The following EPRS1 variants were observed in gnomAD, a reference collection of about 807,000 sequenced individuals.
EPRS1 encodes the protein bifunctional glutamate/proline--tRNA ligase.
A neutral mutation model predicts 188.3 loss-of-function variants in EPRS1; 107 were observed. The observed-to-expected ratio is 0.57, with a 90% CI of 0.49 to 0.67. The LOEUF is 0.67. EPRS1 is among the 30% of genes least tolerant of loss of function. The pLI, the probability that EPRS1 is intolerant of heterozygous loss-of-function variation, is 0.00. For synonymous variants in EPRS1, 596 were observed against 593.1 expected (o/e 1.00, Z -0.07); for missense variants, 1,577 against 1,802.2 (o/e 0.88, Z 2.26).
rs760423805 is a variant in EPRS1 at position 219,978,648 on chromosome 1, G to A, written c.3981C>T (p.Cys1327=). The A allele has an allele frequency of 1.9e-6, 3 of 1,612,194 alleles. No homozygotes were observed. Among genetic ancestry groups the A allele is most frequent in the African/African-American group, 1.3e-5 (1 of 74,808 alleles). The change falls in exon 28 of 32, where the codon TGC becomes TGT. Residue 1327 remains cysteine, a synonymous_variant. Coordinates refer to ENST00000366923, the MANE Select transcript of EPRS1 (RefSeq NM_004446.3). The part of the protein sequence containing the change: ...EEDKEALIAK[C]NDYRRRLLSV... ...TGAGTAATCGCCTTCGATAATCATT[G>A]CATTTTGCAATCAGCGCTTCTTTGT...
At chr1:220,017,546 C>T (rs981829763) in intron 12 of EPRS1, among the ~76,000 whole-genome samples, 1 of 152,020 alleles carries the variant, frequency 6.6e-6, no homozygotes, top group African/African-American at 2.4e-5. Context: ...AAACTAAACA[C>T]GAAAGACCAA....
At chr1:220,022,290 G>T in intron 9 of EPRS1, 57 bp downstream of exon 9, 1 of 1,462,730 alleles carries the variant, frequency 6.8e-7, no homozygotes, top group Non-Finnish European at 9.4e-7. Context: ...CATGTTTAAA[G>T]AAGATCAAAA....
intron 20 of EPRS1, among the ~76,000 whole-genome samples, chr1:219,986,783 A>ATGTGTGTG (rs55845197): frequency 0.33 from 49,096 of 150,062 alleles, 8,354 homozygotes; most frequent in Non-Finnish European, 0.4. Flanking sequence ...GAAAATATGT[A>ATGTGTGTG]TGTGTGTGTG....
chr1:219,981,290 C>T, intron 24 of EPRS1, 88 bp downstream of exon 24: 1 of 809,742 alleles, frequency 1.2e-6, no homozygotes, highest in East Asian at 2.7e-5. Flanking sequence ...ACTCCCAATC[C>T]TTTGAAAATA....
intron 1 of EPRS1, among the ~76,000 whole-genome samples, chr1:220,042,907 G>A (rs1023761751): frequency 6.6e-6 from 1 of 152,044 alleles, no homozygotes. Flanking sequence ...GTGACAGGGT[G>A]AGACTCCATC....
rs554746442 is a variant in EPRS1, at chr1:219,972,309, GTTACC to G, written c.4245-167_4245-163del. On this transcript the variant is annotated intron_variant, in intron 29 of 31. Coordinates refer to ENST00000366923, the MANE Select transcript of EPRS1 (RefSeq NM_004446.3). ...TCATAGTGACCATCAGTATATCAGA[GTTACC>G]TTATCATTGCACTATTGTGAGCCTT... 3.8e-3 allele frequency among the ~76,000 whole-genome samples: 575 copies of G among 152,184 alleles called. 1 individual carries two copies. Among genetic ancestry groups the G allele is most frequent in the Non-Finnish European group, 7.0e-3 (474 of 68,006 alleles).
At chr1:219,973,524 A>AAAAAAC in intron 28 of EPRS1, 126 bp from the exon 29 acceptor site, 1 of 474,054 alleles carries the variant, frequency 2.1e-6, no homozygotes, top group Non-Finnish European at 3.2e-6. Context: ...AGCCAAAAAA[A>AAAAAAC]ACAAGAGAAA....
intron 24 of EPRS1, among the ~76,000 whole-genome samples, 185 bp downstream of exon 24, chr1:219,981,193 C>T (rs1660889336): frequency 6.6e-6 from 1 of 152,074 alleles, no homozygotes; most frequent in Admixed American, 6.5e-5. Flanking sequence ...CTGCCACGCC[C>T]AGCCACTTTC....
At position 219,986,786 on chromosome 1, in the gene EPRS1, T is replaced by TGTGTGTGC. The variant is rs1661014529; in HGVS notation, c.3038+355_3038+356insGCACACAC. Reference sequence around the variant, plus strand: ...AAAAGGAGGAGAGAAAATATGTATGTGTGTGTGTGTGTGTGTGTGTATCTG... The same window carrying TGTGTGTGC: ...AAAAGGAGGAGAGAAAATATGTATGTGTGTGTGCGTGTGTGTGTGTGTGTGTGTATCTG... On this transcript the variant is annotated intron_variant, in intron 20 of 31. Coordinates refer to ENST00000366923, the MANE Select transcript of EPRS1 (RefSeq NM_004446.3). Among the ~76,000 whole-genome samples, 3 of 151,052 alleles carry TGTGTGTGC rather than the reference T, an allele frequency of 2.0e-5. No individual in the cohort carries two copies. The South Asian group carries it at 6.3e-4, about 32-fold the overall frequency.
At chr1:220,036,482 C>T (rs1300387314) in intron 2 of EPRS1, among the ~76,000 whole-genome samples, 2 of 151,416 alleles carry the variant, frequency 1.3e-5, no homozygotes, top group Non-Finnish European at 2.9e-5. Flanking sequence ...TACATATATA[C>T]CACAGAATAC....
In EPRS1 at chr1:220,024,299, C is replaced by T. The variant is rs1661931581; in HGVS notation, c.908G>A (p.Arg303His). ...DTPAEQMKAE[R>H]EQRIDSKHRK... ...ATGTTTAGAGTCTATCCTCTGCTCA[C>T]GTTCTGCTTTCATCTGTTCAGCAGG... The change falls in exon 8 of 32, where the codon CGT (arginine) becomes CAT (histidine). Residue 303 changes from arginine to histidine, a missense_variant. Physicochemically the swap from Arg to His is conservative, Grantham distance 29. Transcript: ENST00000366923. 2 of 1,606,762 alleles carry T rather than the reference C, an allele frequency of 1.2e-6. No individual in the cohort carries two copies. The highest frequency in any genetic ancestry group is 1.7e-6 in the Non-Finnish European group (2 of 1,177,986).
intron 11 of EPRS1, 72 bp downstream of exon 11, chr1:220,018,923 A>G (rs1009064236): frequency 2.1e-6 from 2 of 951,800 alleles, no homozygotes; most frequent in African/African-American, 3.3e-5. Context: ...AGAGATAATA[A>G]AGAGTAAAGG....
intron 7 of EPRS1, 137 bp downstream of exon 7, chr1:220,024,995 C>A: frequency 1.2e-6 from 1 of 813,794 alleles, no homozygotes; most frequent in South Asian, 1.5e-5. Context: ...TGGCTTAGGT[C>A]TCAGATATGG....
chr1:219,990,675 AACATGCT>A (rs1661102492), intron 18 of EPRS1, among the ~76,000 whole-genome samples: 1 of 152,204 alleles, frequency 6.6e-6, no homozygotes, highest in Non-Finnish European at 1.5e-5. Flanking sequence ...TAATCCTAGT[AACATGCT>A]AGGAAAACTG....
chr1:220,015,062 G>A (rs10779395), intron 12 of EPRS1, among the ~76,000 whole-genome samples: 3 of 152,062 alleles, frequency 2.0e-5, no homozygotes, highest in Non-Finnish European at 4.4e-5. Flanking sequence ...TAAACTAAAA[G>A]ACAAGAAGGA....
At position 219,973,517 on chromosome 1, in the gene EPRS1, C is replaced by CA. The variant is rs1208765008; in HGVS notation, c.4084-120dup. 8.3e-4 allele frequency: 281 copies of CA among 340,194 alleles called. 1 individual carries two copies. The highest frequency in any genetic ancestry group is 7.6e-3 in the African/African-American group (195 of 25,498). 21.1% of individuals were successfully genotyped at this position (340,194 alleles called of 1,614,324 possible). A position where few individuals can be genotyped will look rare whatever the true frequency, so the allele number is the denominator to read the frequency against. The stretch of plus-strand genomic sequence containing the variant: ...AAAACCCAAAAAACAAAGGCAAAGC[C>CA]AAAAAAAACAAGAGAAAAAAAAAAA... On this transcript the variant is annotated intron_variant, in intron 28 of 31. Transcript: ENST00000366923.
chr1:220,016,711 CTT>C (rs57900764), intron 12 of EPRS1, among the ~76,000 whole-genome samples: 5 of 128,244 alleles, frequency 3.9e-5, no homozygotes, highest in Non-Finnish European at 6.4e-5. Flanking sequence ...GAGAACCTGG[CTT>C]TTTTTTTTTT....
chr1:220,031,440 C>CA, intron 5 of EPRS1, among the ~76,000 whole-genome samples: 1 of 152,206 alleles, frequency 6.6e-6, no homozygotes, highest in South Asian at 2.1e-4. Context: ...CAACAAAGTG[C>CA]AGTAGCACTG....
At chr1:219,994,640 C>CTTTTTTT (rs71169424) in intron 18 of EPRS1, among the ~76,000 whole-genome samples, 7 of 109,492 alleles carry the variant, frequency 6.4e-5, no homozygotes, top group Non-Finnish European at 1.1e-4. Flanking sequence ...GTAACTTCTT[C>CTTTTTTT]TTTTTTTTTT....
Sources: gnomAD v4.1 joint callset for allele counts (sites outside exome capture counted in the v4.1 genomes callset) on GRCh38, gnomAD v4.1.1 for gene constraint, MANE v1.5 for transcripts, NCBI Gene and HGNC (gene_info 2026-07-23, HGNC 2026-07-21) for gene names.